CMKLR2: variants seen among roughly 807,000 people sequenced by gnomAD.
CMKLR2 encodes chemerin chemokine-like receptor 2, also known as chemerin-like receptor 2.
A neutral mutation model predicts 23.0 loss-of-function variants in CMKLR2; 18 were observed. The ratio of observed to expected loss-of-function variants is 0.78; its 90% confidence interval spans 0.54 to 1.16. The LOEUF is 1.16. Ranked by LOEUF, CMKLR2 falls within the 50% of genes most tolerant of loss-of-function variation. CMKLR2 has a pLI of 0.00. For missense variants in CMKLR2, 401 were observed against 412.7 expected, an observed-to-expected ratio of 0.97 and a Z score of 0.25; for synonymous variants, 158 against 158.9, an observed-to-expected ratio of 0.99 and a Z score of 0.05.
At chr2:206,205,941 T>A (rs1689300806) in intron 1 of CMKLR2, among the ~76,000 whole-genome samples, 1 of 152,016 alleles carries the variant, frequency 6.6e-6, no homozygotes, top group African/African-American at 2.4e-5. Flanking sequence ...TCTGGTGATC[T>A]GCCCGCCTCG....
chr2:206,215,309 A>G (rs3796047), upstream of CMKLR2, among the ~76,000 whole-genome samples: 47,692 of 152,136 alleles, frequency 0.31, 7,721 homozygotes, highest in African/African-American at 0.36. Flanking sequence ...AGTATTTACT[A>G]TAGTCTATAC....
intron 1 of CMKLR2, among the ~76,000 whole-genome samples, chr2:206,179,997 T>G (rs1688360550): frequency 1.3e-5 from 2 of 152,102 alleles, no homozygotes; most frequent in African/African-American, 4.8e-5. Flanking sequence ...CAGAAGCAAT[T>G]TATTCCCTTC....
intron 1 of CMKLR2, among the ~76,000 whole-genome samples, chr2:206,181,383 G>A (rs1688407786): frequency 6.6e-6 from 1 of 150,718 alleles, no homozygotes; most frequent in South Asian, 2.1e-4. Context: ...TTTTAGAAAC[G>A]AGTATCACTA....
intron 1 of CMKLR2, 36 bp from the exon 2 acceptor site, chr2:206,177,311 T>G: frequency 9.7e-7 from 1 of 1,032,718 alleles, no homozygotes; most frequent in Non-Finnish European, 1.4e-6. Context: ...GAAAAAATTT[T>G]AAAAGAAAAA....
chr2:206,205,956 C>T (rs948206617), intron 1 of CMKLR2, among the ~76,000 whole-genome samples: 1 of 152,118 alleles, frequency 6.6e-6, no homozygotes, highest in African/African-American at 2.4e-5. Context: ...GCCTCGGCCT[C>T]CTAAAGTGCT....
intron 1 of CMKLR2, among the ~76,000 whole-genome samples, chr2:206,196,235 C>T (rs1208134123): frequency 2.0e-5 from 3 of 151,834 alleles, no homozygotes; most frequent in Admixed American, 6.6e-5. Context: ...ATTAGCTGAG[C>T]GTGGTGGCAC....
intron 1 of CMKLR2, among the ~76,000 whole-genome samples, chr2:206,187,455 A>G (rs17222648): frequency 0.1 from 15,603 of 152,248 alleles, 949 homozygotes; most frequent in Admixed American, 0.2. Flanking sequence ...ACTGTGTGAT[A>G]ATGCAATCTC....
chr2:206,217,823 C>G (rs146038465), upstream of CMKLR2: 12 of 152,376 alleles, frequency 7.9e-5, no homozygotes, highest in South Asian at 1.0e-3. Flanking sequence ...CTGAAGTTGC[C>G]GGTGCCTGTG....
intron 1 of CMKLR2, among the ~76,000 whole-genome samples, chr2:206,209,937 T>C (rs1439042328): frequency 6.7e-6 from 1 of 148,598 alleles, no homozygotes; most frequent in African/African-American, 2.5e-5. Context: ...CGTGAGCCAC[T>C]GCGCCCGGCC....
intron 1 of CMKLR2, among the ~76,000 whole-genome samples, chr2:206,196,391 A>AAAATAAAAATAAAT (rs1688922285): frequency 6.6e-6 from 1 of 151,176 alleles, no homozygotes; most frequent in African/African-American, 2.4e-5. Context: ...AATAAAAATA[A>AAAATAAAAATAAAT]AAATAAATAA....
chr2:206,180,762 A>ATTATTATTG (rs1461704150), intron 1 of CMKLR2, among the ~76,000 whole-genome samples: 2 of 146,738 alleles, frequency 1.4e-5, no homozygotes, highest in East Asian at 3.9e-4. Flanking sequence ...TATTATTATT[A>ATTATTATTG]TTATTATTTT....
Position 206,176,984 on chromosome 2 carries a change from GAGA to G in CMKLR2, c.261_263del (p.Leu88del). 1 of 1,614,236 alleles carries G rather than the reference GAGA, an allele frequency of 6.2e-7. No individual in the cohort carries two copies. Among genetic ancestry groups the G allele is most frequent in the South Asian group, 1.1e-5 (1 of 91,080 alleles). ...CATAGGAGATGTACAGGGGCAGAAA[GAGA>G]AGAAAAATGAAATCCGCAATGGCTA... is the stretch of plus-strand genomic sequence containing the variant. On this transcript the variant is annotated inframe_deletion, in exon 2 of 2. Coordinates refer to ENST00000621141, the MANE Select transcript of CMKLR2 (RefSeq NM_001389445.1).
chr2:206,189,824 G>C (rs1688694719), intron 1 of CMKLR2, among the ~76,000 whole-genome samples: 1 of 152,036 alleles, frequency 6.6e-6, no homozygotes, highest in African/African-American at 2.4e-5. Flanking sequence ...TGCCCCAGGG[G>C]GTGGTATTTG....
chr2:206,184,800 T>C (rs1688528869), intron 1 of CMKLR2, among the ~76,000 whole-genome samples: 1 of 152,212 alleles, frequency 6.6e-6, no homozygotes, highest in African/African-American at 2.4e-5. Context: ...TTCTAGCTGA[T>C]TGAGATACTT....
chr2:206,201,477 C>T (rs750052780), intron 1 of CMKLR2, among the ~76,000 whole-genome samples: 7 of 152,122 alleles, frequency 4.6e-5, no homozygotes, highest in Non-Finnish European at 4.4e-5. Context: ...TGTACCCCAG[C>T]GGGGTCCCAC....
At chr2:206,182,626 G>A (rs1328695458) in intron 1 of CMKLR2, among the ~76,000 whole-genome samples, 1 of 151,778 alleles carries the variant, frequency 6.6e-6, no homozygotes, top group Admixed American at 6.6e-5. Context: ...TTGACCCACA[G>A]TTCCTTTTTT....
chr2:206,193,281 T>C (rs1321328318), intron 1 of CMKLR2, among the ~76,000 whole-genome samples: 2 of 152,198 alleles, frequency 1.3e-5, no homozygotes, highest in South Asian at 2.1e-4. Context: ...GTATTTTTCA[T>C]AGAGACGGGG....
At chr2:206,198,698 C>T (rs1252683318) in intron 1 of CMKLR2, among the ~76,000 whole-genome samples, 1 of 152,164 alleles carries the variant, frequency 6.6e-6, no homozygotes, top group African/African-American at 2.4e-5. Context: ...GAATATTGTA[C>T]CTCCCTCATT....
At chr2:206,181,126 C>T (rs150308739) in intron 1 of CMKLR2, among the ~76,000 whole-genome samples, 174 of 151,612 alleles carry the variant, frequency 1.1e-3, no homozygotes, top group African/African-American at 4.1e-3. Context: ...GGTGCGATCT[C>T]GGCTCACTGC....
Sources: gnomAD v4.1 joint callset for allele counts (sites outside exome capture counted in the v4.1 genomes callset) on GRCh38, gnomAD v4.1.1 for gene constraint, MANE v1.5 for transcripts, NCBI Gene and HGNC (gene_info 2026-07-23, HGNC 2026-07-21) for gene names.